The following CGNL1 variants were observed in gnomAD, a reference collection of about 807,000 sequenced individuals.
The protein encoded by CGNL1 is cingulin like 1.
CGNL1 carries 132 observed loss-of-function variants against 141.2 expected under a neutral mutation model. The observed-to-expected ratio is 0.93, with a 90% CI of 0.81 to 1.08. The LOEUF is 1.08. CGNL1 is among the 50% of genes least tolerant of loss of function. The pLI, the probability that CGNL1 is intolerant of heterozygous loss-of-function variation, is 0.00. For missense variants in CGNL1, 1,870 were observed against 1,588.6 expected, an observed-to-expected ratio of 1.18 and a Z score of -3.01; for synonymous variants, 690 against 622.1, an observed-to-expected ratio of 1.11 and a Z score of -1.63.
intron 12 of CGNL1, among the ~76,000 whole-genome samples, chr15:57,526,678 G>A (rs1050837337): frequency 2.6e-5 from 4 of 152,122 alleles, no homozygotes; most frequent in Non-Finnish European, 4.4e-5. Flanking sequence ...ACTACTTAAA[G>A]GTAGCACTAG....
chr15:57,508,298 T>A (rs2029905139), intron 8 of CGNL1, among the ~76,000 whole-genome samples: 1 of 150,674 alleles, frequency 6.6e-6, no homozygotes, highest in Non-Finnish European at 1.5e-5. Flanking sequence ...TTTTGGTAAA[T>A]ACAGTGAGAG....
At chr15:57,402,190 C>A (rs1287494050) in intron 1 of CGNL1, among the ~76,000 whole-genome samples, 1 of 152,160 alleles carries the variant, frequency 6.6e-6, no homozygotes, top group African/African-American at 2.4e-5. Context: ...GCTTGGTGCT[C>A]TCCCCATAGT....
chr15:57,392,548 A>T (rs1434615115), intron 1 of CGNL1, among the ~76,000 whole-genome samples: 1 of 152,212 alleles, frequency 6.6e-6, no homozygotes, highest in Non-Finnish European at 1.5e-5. Context: ...CTGGAAATTT[A>T]TCTTGCAAAG....
rs185808268 is a variant in CGNL1 at position 57,396,057 on chromosome 15, C to T, written c.-16+19490C>T. Among the ~76,000 whole-genome samples the T allele has an allele frequency of 2.9e-3, 446 of 152,146 alleles. 4 individuals carry two copies. The highest frequency in any genetic ancestry group is 0.01 in the African/African-American group (427 of 41,482). On this transcript the variant is annotated intron_variant, in intron 1 of 18. Transcript: ENST00000281282. ...TACTCTTTGTATTTGGCTTTTTTTA[C>T]TTAGTATTATGTTTGTGAAATTCAT...
chr15:57,534,536 T>TG (rs2032141447), intron 14 of CGNL1, among the ~76,000 whole-genome samples: 2 of 152,198 alleles, frequency 1.3e-5, no homozygotes, highest in African/African-American at 4.8e-5. Context: ...GAAGGCTCTC[T>TG]GGGGAGGGCC....
intron 1 of CGNL1, among the ~76,000 whole-genome samples, chr15:57,418,046 G>A (rs10083703): frequency 6.6e-6 from 1 of 152,074 alleles, no homozygotes; most frequent in African/African-American, 2.4e-5. Flanking sequence ...TGTCTGAGAT[G>A]TTGGGGACAC....
intron 7 of CGNL1, among the ~76,000 whole-genome samples, chr15:57,457,159 C>T (rs1193730240): frequency 5.9e-5 from 9 of 152,186 alleles, no homozygotes; most frequent in South Asian, 2.1e-4. Context: ...GATAGGGACC[C>T]TGTGGAACTT....
intron 8 of CGNL1, among the ~76,000 whole-genome samples, chr15:57,466,129 T>C (rs1192541371): frequency 1.3e-5 from 2 of 152,230 alleles, no homozygotes; most frequent in African/African-American, 2.4e-5. Context: ...TGGATCTTCG[T>C]AGTCTGTTAG....
At chr15:57,448,486 T>C (rs1404577166) in intron 4 of CGNL1, among the ~76,000 whole-genome samples, 2 of 151,922 alleles carry the variant, frequency 1.3e-5, no homozygotes, top group Non-Finnish European at 2.9e-5. Flanking sequence ...CTGTCTCTAC[T>C]AAAAATACAA....
intron 14 of CGNL1, among the ~76,000 whole-genome samples, chr15:57,538,013 A>ACC (rs113921091): frequency 2.6e-5 from 4 of 152,014 alleles, no homozygotes; most frequent in Admixed American, 6.5e-5. Flanking sequence ...CCTCCCCGCC[A>ACC]CCCCCCGCCC....
intron 1 of CGNL1, chr15:57,396,951 A>T (rs551973034): frequency 1.3e-5 from 2 of 152,314 alleles, no homozygotes. Context: ...GAAGAGAAAG[A>T]CTCAGAAATC....
intron 7 of CGNL1, among the ~76,000 whole-genome samples, chr15:57,456,244 A>G (rs2063377855): frequency 6.6e-6 from 1 of 152,246 alleles, no homozygotes; most frequent in African/African-American, 2.4e-5. Flanking sequence ...GCTTGGAACA[A>G]ACTCTTAACA....
intron 1 of CGNL1, among the ~76,000 whole-genome samples, chr15:57,430,267 G>A (rs1309260689): frequency 6.6e-6 from 1 of 152,168 alleles, no homozygotes; most frequent in Non-Finnish European, 1.5e-5. Flanking sequence ...AATATTTCCT[G>A]CTTCTGCATC....
At chr15:57,442,310 T>C in intron 3 of CGNL1, 63 bp from the exon 4 acceptor site, 1 of 988,352 alleles carries the variant, frequency 1.0e-6, no homozygotes, top group Non-Finnish European at 1.6e-6. Context: ...TGTCATGACA[T>C]ATAAATTGTT....
chr15:57,389,738 A>C (rs1452370722), intron 1 of CGNL1, among the ~76,000 whole-genome samples: 1 of 152,144 alleles, frequency 6.6e-6, no homozygotes, highest in East Asian at 1.9e-4. Context: ...ACTTAGTTAT[A>C]TTTGCTCTTA....
chr15:57,508,858 G>A (rs1249729654), intron 8 of CGNL1, among the ~76,000 whole-genome samples: 3 of 152,224 alleles, frequency 2.0e-5, no homozygotes, highest in African/African-American at 4.8e-5. Context: ...GTCAGAATGA[G>A]CGTTTTAATG....
chr15:57,522,538 C>T (rs1224019426), intron 10 of CGNL1, among the ~76,000 whole-genome samples: 5 of 152,162 alleles, frequency 3.3e-5, no homozygotes, highest in Non-Finnish European at 4.4e-5. Flanking sequence ...TGCCTGACAA[C>T]GTTTTCGAGA....
intron 8 of CGNL1, among the ~76,000 whole-genome samples, chr15:57,486,189 C>A (rs1319337068): frequency 1.3e-5 from 2 of 152,182 alleles, no homozygotes; most frequent in Non-Finnish European, 2.9e-5. Context: ...TCACTTCTTT[C>A]AGGGATCAGC....
At chr15:57,497,785 G>T (rs1462455527) in intron 8 of CGNL1, among the ~76,000 whole-genome samples, 1 of 152,236 alleles carries the variant, frequency 6.6e-6, no homozygotes, top group Non-Finnish European at 1.5e-5. Flanking sequence ...ATGCGGGCTT[G>T]CACCCATGCA....
Sources: gnomAD v4.1 joint callset for allele counts (sites outside exome capture counted in the v4.1 genomes callset) on GRCh38, gnomAD v4.1.1 for gene constraint, MANE v1.5 for transcripts, NCBI Gene and HGNC (gene_info 2026-07-23, HGNC 2026-07-21) for gene names.